The following ARB2A variants were observed in gnomAD, a reference collection of about 807,000 sequenced individuals.
ARB2A encodes the protein ARB2 cotranscriptional regulator A, also known as cotranscriptional regulator ARB2A.
the ARB2A span, among the ~76,000 whole-genome samples, chr5:93,857,566 C>CGTGGGCGT: frequency 1.3e-5 from 2 of 152,100 alleles, no homozygotes; most frequent in African/African-American, 2.4e-5. Context: ...AGCGAGACTC[C>CGTGGGCGT]ATGGGCGTAG....
chr5:93,708,843 G>C, the ARB2A span, among the ~76,000 whole-genome samples: 11 of 152,074 alleles, frequency 7.2e-5, no homozygotes, highest in African/African-American at 2.7e-4. Flanking sequence ...GCACTTGTGT[G>C]TAACCCTCTC....
the ARB2A span, chr5:94,055,660 C>T: frequency 4.1e-6 from 4 of 985,030 alleles, no homozygotes; most frequent in African/African-American, 5.2e-5. Context: ...AAGTTCTTAC[C>T]ACCTTGTAAA....
the ARB2A span, among the ~76,000 whole-genome samples, chr5:93,977,507 A>C: frequency 2.6e-5 from 4 of 152,106 alleles, no homozygotes; most frequent in Non-Finnish European, 5.9e-5. Flanking sequence ...AGTAAAAATA[A>C]ACAATGGGGA....
chr5:93,854,402 A>T, the ARB2A span, among the ~76,000 whole-genome samples: 1 of 152,060 alleles, frequency 6.6e-6, no homozygotes, highest in South Asian at 2.1e-4. Flanking sequence ...CCTTCAAAAA[A>T]CCAGCTCCTA....
chr5:93,713,114 C>T, the ARB2A span, among the ~76,000 whole-genome samples: 1 of 152,002 alleles, frequency 6.6e-6, no homozygotes, highest in Non-Finnish European at 1.5e-5. Context: ...AAAAAGAAAA[C>T]ATTGGGGAAA....
the ARB2A span, among the ~76,000 whole-genome samples, chr5:94,107,492 TC>T: frequency 6.7e-6 from 1 of 148,888 alleles, no homozygotes; most frequent in Non-Finnish European, 1.5e-5. Context: ...CCCAAGAGTA[TC>T]TAATAAATTA....
the ARB2A span, among the ~76,000 whole-genome samples, chr5:93,752,610 G>C: frequency 6.6e-6 from 1 of 151,848 alleles, no homozygotes; most frequent in Non-Finnish European, 1.5e-5. Flanking sequence ...ATATTCATTG[G>C]AATTACTGGA....
At chr5:93,628,663 T>C in the ARB2A span, among the ~76,000 whole-genome samples, 1 of 152,238 alleles carries the variant, frequency 6.6e-6, no homozygotes, top group African/African-American at 2.4e-5. Flanking sequence ...CTTGCGCTTT[T>C]ATGTTCTGGA....
At chr5:94,084,274 C>CAAA in the ARB2A span, among the ~76,000 whole-genome samples, 4 of 73,086 alleles carry the variant, frequency 5.5e-5, no homozygotes, top group Non-Finnish European at 8.5e-5. Flanking sequence ...AACTTCATCT[C>CAAA]AAAAAAAAAA....
the ARB2A span, among the ~76,000 whole-genome samples, chr5:94,069,349 G>C: frequency 3.3e-5 from 5 of 152,134 alleles, no homozygotes; most frequent in Admixed American, 3.3e-4. Flanking sequence ...ATGAAACACA[G>C]GGGAAACATT....
chr5:94,031,586 A>T, the ARB2A span, among the ~76,000 whole-genome samples: 1 of 152,234 alleles, frequency 6.6e-6, no homozygotes, highest in African/African-American at 2.4e-5. Flanking sequence ...TTAGTAGTAG[A>T]GAATGAAATA....
At chr5:93,904,348 T>C in the ARB2A span, among the ~76,000 whole-genome samples, 1 of 151,852 alleles carries the variant, frequency 6.6e-6, no homozygotes, top group Non-Finnish European at 1.5e-5. Context: ...AAGCCTCTCC[T>C]AGAAAAAAGT....
At chr5:93,682,283 C>A in the ARB2A span, among the ~76,000 whole-genome samples, 1 of 147,830 alleles carries the variant, frequency 6.8e-6, no homozygotes, top group East Asian at 2.0e-4. Context: ...GCCATTTGAT[C>A]TTGCCCACTG....
chr5:93,673,457 G>C, the ARB2A span, among the ~76,000 whole-genome samples: 1 of 151,866 alleles, frequency 6.6e-6, no homozygotes, highest in Non-Finnish European at 1.5e-5. Context: ...ACCCATAGCA[G>C]TATGAACTTC....
chr5:94,101,856 C>T, the ARB2A span, among the ~76,000 whole-genome samples: 1 of 151,782 alleles, frequency 6.6e-6, no homozygotes, highest in African/African-American at 2.4e-5. Context: ...GAGCTTGATA[C>T]CTGGGTGATG....
the ARB2A span, among the ~76,000 whole-genome samples, chr5:93,742,572 A>T: frequency 1.3e-5 from 2 of 152,182 alleles, no homozygotes; most frequent in African/African-American, 2.4e-5. Context: ...AATGTTTCCT[A>T]GGAGGAAGAG....
chr5:93,914,413 T>C, the ARB2A span, among the ~76,000 whole-genome samples: 2 of 151,950 alleles, frequency 1.3e-5, no homozygotes, highest in Admixed American at 1.3e-4. Flanking sequence ...TTATATGCAG[T>C]TAAAATGTGA....
chr5:94,063,740 T>C, the ARB2A span, among the ~76,000 whole-genome samples: 2 of 152,114 alleles, frequency 1.3e-5, no homozygotes, highest in South Asian at 4.1e-4. Context: ...CTGACACCAC[T>C]AATGAGGTTT....
At chr5:93,977,232 C>T in the ARB2A span, among the ~76,000 whole-genome samples, 16 of 151,756 alleles carry the variant, frequency 1.1e-4, no homozygotes, top group African/African-American at 3.9e-4. Flanking sequence ...TCATTTTTCA[C>T]AGAATTAGAA....
Sources: allele counts gnomAD v4.1 joint callset (sites outside exome capture counted in the v4.1 genomes callset), GRCh38; gene constraint gnomAD v4.1.1; transcripts MANE v1.5; gene names NCBI Gene and HGNC (gene_info 2026-07-23, HGNC 2026-07-21).